Variants in SESTD1 observed in about 807,000 individuals in gnomAD.
The protein encoded by SESTD1 is SEC14 and spectrin domain containing 1.
Under a neutral mutation model 101.7 loss-of-function variants are expected in SESTD1, and 43 were observed. The ratio of observed to expected loss-of-function variants is 0.42; its 90% CI spans 0.33 to 0.55. The LOEUF (loss-of-function observed/expected upper bound fraction) is 0.55. Among genes scored for constraint, SESTD1 ranks in the 20% least tolerant of loss-of-function variants. The pLI is 0.07. For missense variants in SESTD1, 647 were observed against 815.1 expected (o/e 0.79, Z 2.51); for synonymous variants, 283 against 286.8 (o/e 0.99, Z 0.13).
intron 2 of SESTD1, among the ~76,000 whole-genome samples, chr2:179,186,425 G>T (rs2046233685): frequency 6.6e-6 from 1 of 152,100 alleles, no homozygotes; most frequent in Admixed American, 6.6e-5. Context: ...GAACAGCAAA[G>T]AGTGAAAACA....
chr2:179,259,744 A>G (rs977855288), intron 1 of SESTD1, among the ~76,000 whole-genome samples: 1 of 152,166 alleles, frequency 6.6e-6, no homozygotes, highest in African/African-American at 2.4e-5. Context: ...GAAAAAAAAA[A>G]TTGACTATTT....
chr2:179,167,626 G>A (rs2045857319), intron 5 of SESTD1, among the ~76,000 whole-genome samples: 1 of 146,314 alleles, frequency 6.8e-6, no homozygotes, highest in Non-Finnish European at 1.5e-5. Flanking sequence ...AATCTTGAAA[G>A]TGCCTGAAGG....
intron 9 of SESTD1, among the ~76,000 whole-genome samples, chr2:179,134,331 A>G (rs2045088603): frequency 6.6e-6 from 1 of 152,172 alleles, no homozygotes; most frequent in South Asian, 2.1e-4. Flanking sequence ...CCACTTGGCT[A>G]TTGTTATTAT....
chr2:179,260,983 A>T (rs1437074424), intron 1 of SESTD1, among the ~76,000 whole-genome samples: 2 of 152,196 alleles, frequency 1.3e-5, no homozygotes, highest in Non-Finnish European at 2.9e-5. Flanking sequence ...GGAGTGAAGA[A>T]GGGGAAAAAG....
chr2:179,262,081 C>T (rs2047490654), intron 1 of SESTD1, among the ~76,000 whole-genome samples: 3 of 151,996 alleles, frequency 2.0e-5, no homozygotes, highest in Admixed American at 2.0e-4. Context: ...ATGAATAAAC[C>T]CTGAAAGCAT....
At chr2:179,241,758 T>C (rs1203731522) in intron 1 of SESTD1, among the ~76,000 whole-genome samples, 1 of 151,840 alleles carries the variant, frequency 6.6e-6, no homozygotes, top group Non-Finnish European at 1.5e-5. Flanking sequence ...CTGTCTCTAC[T>C]AAAAATACAA....
intron 2 of SESTD1, among the ~76,000 whole-genome samples, chr2:179,185,306 CAG>C (rs2046192085): frequency 2.7e-5 from 4 of 148,498 alleles, no homozygotes; most frequent in Non-Finnish European, 5.9e-5. Context: ...TCATTCATAT[CAG>C]AGTATAATAT....
chr2:179,159,202 A>G (rs920560039), intron 5 of SESTD1, among the ~76,000 whole-genome samples: 1 of 152,142 alleles, frequency 6.6e-6, no homozygotes, highest in African/African-American at 2.4e-5. Context: ...GAGGAAAGAG[A>G]ATCCCTCCTT....
intron 9 of SESTD1, among the ~76,000 whole-genome samples, chr2:179,142,198 T>A (rs1279826333): frequency 6.6e-6 from 1 of 152,198 alleles, no homozygotes; most frequent in Non-Finnish European, 1.5e-5. Flanking sequence ...ATGGAAGAGT[T>A]AAGCAGCCAC....
intron 1 of SESTD1, among the ~76,000 whole-genome samples, chr2:179,196,014 C>T (rs925591966): frequency 1.3e-5 from 2 of 152,162 alleles, no homozygotes; most frequent in African/African-American, 4.8e-5. Flanking sequence ...ACACAGAATA[C>T]GGGTGATTTC....
At chr2:179,233,246 T>C (rs2047011346) in intron 1 of SESTD1, among the ~76,000 whole-genome samples, 1 of 152,196 alleles carries the variant, frequency 6.6e-6, no homozygotes, top group Admixed American at 6.5e-5. Context: ...GTAAGTGGGT[T>C]TGCTTTTTAT....
chr2:179,132,125 C>A, intron 10 of SESTD1, 179 bp downstream of exon 10: 1 of 600,338 alleles, frequency 1.7e-6, no homozygotes, highest in South Asian at 5.7e-5. Flanking sequence ...CCAAAAACAA[C>A]CTTCTAATTA....
chr2:179,235,744 T>C (rs1163296875), intron 1 of SESTD1, among the ~76,000 whole-genome samples: 6 of 152,168 alleles, frequency 3.9e-5, no homozygotes, highest in African/African-American at 4.8e-5. Context: ...TCCCGAATGG[T>C]ACTCCACAGC....
chr2:179,231,419 T>G (rs1257860462), intron 1 of SESTD1, among the ~76,000 whole-genome samples: 1 of 151,176 alleles, frequency 6.6e-6, no homozygotes, highest in East Asian at 1.9e-4. Context: ...ATAGATAGTA[T>G]AAACTTAAAT....
chr2:179,130,969 T>C (rs2044998708), intron 10 of SESTD1, among the ~76,000 whole-genome samples: 1 of 151,908 alleles, frequency 6.6e-6, no homozygotes, highest in African/African-American at 2.4e-5. Flanking sequence ...GAAGAACCAT[T>C]ATGTTGGAAC....
At chr2:179,256,706 G>A (rs1339212090) in intron 1 of SESTD1, among the ~76,000 whole-genome samples, 1 of 151,554 alleles carries the variant, frequency 6.6e-6, no homozygotes, top group East Asian at 1.9e-4. Flanking sequence ...CAGCTACTCG[G>A]GAAGCTGAGA....
intron 9 of SESTD1, among the ~76,000 whole-genome samples, chr2:179,140,081 G>A (rs148165534): frequency 6.6e-6 from 1 of 152,122 alleles, no homozygotes; most frequent in African/African-American, 2.4e-5. Flanking sequence ...ACCTTGTTGG[G>A]AACTCGATAG....
intron 1 of SESTD1, among the ~76,000 whole-genome samples, chr2:179,221,956 T>C (rs892259381): frequency 6.6e-6 from 1 of 152,126 alleles, no homozygotes; most frequent in African/African-American, 2.4e-5. Flanking sequence ...CAACATATAT[T>C]GTATTTTTTG....
At chr2:179,207,606 C>T (rs1376109610) in intron 1 of SESTD1, among the ~76,000 whole-genome samples, 1 of 134,588 alleles carries the variant, frequency 7.4e-6, no homozygotes, top group East Asian at 2.0e-4. Flanking sequence ...GCCTGGTAAC[C>T]CCAATGGGTG....
Sources: gnomAD v4.1 joint callset for allele counts (sites outside exome capture counted in the v4.1 genomes callset) on GRCh38, gnomAD v4.1.1 for gene constraint, MANE v1.5 for transcripts, NCBI Gene and HGNC (gene_info 2026-07-23, HGNC 2026-07-21) for gene names.